The following TMEM192 variants were observed in gnomAD, a reference collection of about 807,000 sequenced individuals.
TMEM192 encodes the protein transmembrane protein 192.
A neutral mutation model predicts 26.7 loss-of-function variants in TMEM192; 20 were observed. The ratio of observed to expected loss-of-function variants is 0.75; its 90% CI spans 0.53 to 1.09. The LOEUF (loss-of-function observed/expected upper bound fraction) is 1.09. Among genes scored for constraint, TMEM192 ranks in the 50% least tolerant of loss-of-function variants. The pLI, the probability that TMEM192 is intolerant of heterozygous loss-of-function variation, is 0.00. For synonymous variants in TMEM192, 124 were observed against 121.0 expected (o/e 1.02, Z -0.16); for missense variants, 304 against 322.6 (o/e 0.94, Z 0.44).
chr4:165,100,454 G>A (rs1049448134), intron 3 of TMEM192, among the ~76,000 whole-genome samples, 174 bp downstream of exon 3: 7 of 152,096 alleles, frequency 4.6e-5, no homozygotes, highest in African/African-American at 1.2e-4. Flanking sequence ...CACCGCACCC[G>A]GCCAAGAAAA....
At chr4:165,104,149 A>G (rs1035666762) in intron 1 of TMEM192, among the ~76,000 whole-genome samples, 2 of 152,238 alleles carry the variant, frequency 1.3e-5, no homozygotes, top group Non-Finnish European at 2.9e-5. Flanking sequence ...TGCATTGTAT[A>G]TACTTTTAAT....
chr4:165,087,093 GACGAGAGTGAA>G (rs1166617602), intron 4 of TMEM192, among the ~76,000 whole-genome samples: 2 of 151,944 alleles, frequency 1.3e-5, no homozygotes, highest in Admixed American at 6.6e-5. Context: ...CAGCCTGGGT[GACGAGAGTGAA>G]ACTCCAACTC....
chr4:165,104,875 A>G (rs1347823421), intron 1 of TMEM192, among the ~76,000 whole-genome samples: 1 of 152,092 alleles, frequency 6.6e-6, no homozygotes, highest in African/African-American at 2.4e-5. Flanking sequence ...TTAGTTTACC[A>G]TAACTCATGG....
intron 3 of TMEM192, among the ~76,000 whole-genome samples, chr4:165,098,984 G>A (rs987909321): frequency 6.6e-6 from 1 of 152,038 alleles, no homozygotes; most frequent in Non-Finnish European, 1.5e-5. Flanking sequence ...TTACAGGCAT[G>A]AGCCACCGAG....
At chr4:165,087,771 C>T (rs1734656974) in intron 4 of TMEM192, among the ~76,000 whole-genome samples, 1 of 152,172 alleles carries the variant, frequency 6.6e-6, no homozygotes, top group African/African-American at 2.4e-5. Flanking sequence ...GAAACCCCAT[C>T]TCTATTAAAG....
At chr4:165,091,110 GA>G (rs1734752441) in intron 3 of TMEM192, among the ~76,000 whole-genome samples, 2 of 150,984 alleles carry the variant, frequency 1.3e-5, no homozygotes, top group Admixed American at 6.6e-5. Flanking sequence ...CTAAAAATAC[GA>G]AAAAAATTAG....
At chr4:165,102,847 C>T (rs1735068836) in intron 2 of TMEM192, 103 bp downstream of exon 2, 1 of 947,912 alleles carries the variant, frequency 1.1e-6, no homozygotes, top group Non-Finnish European at 1.4e-6. Flanking sequence ...ATGTGCCCTA[C>T]ATTTTAAATG....
At chr4:165,080,777 T>C (rs980860582) in intron 5 of TMEM192, among the ~76,000 whole-genome samples, 1 of 152,058 alleles carries the variant, frequency 6.6e-6, no homozygotes, top group African/African-American at 2.4e-5. Flanking sequence ...TGCAGTGGCA[T>C]GATCTCTGCT....
intron 3 of TMEM192, among the ~76,000 whole-genome samples, chr4:165,100,078 C>T (rs1317770922): frequency 6.6e-6 from 1 of 152,004 alleles, no homozygotes; most frequent in East Asian, 1.9e-4. Context: ...TTCCACACTT[C>T]ACACATGCTA....
At chr4:165,103,376 G>A (rs1472972634) in intron 1 of TMEM192, among the ~76,000 whole-genome samples, 11 of 151,742 alleles carry the variant, frequency 7.2e-5, no homozygotes, top group South Asian at 2.1e-4. Context: ...AGACAGTCTC[G>A]CTCTGTTGCC....
intron 1 of TMEM192, among the ~76,000 whole-genome samples, chr4:165,104,894 AGAT>A (rs1352005667): frequency 3.9e-5 from 6 of 152,270 alleles, no homozygotes; most frequent in Non-Finnish European, 5.9e-5. Context: ...GGTACAATTC[AGAT>A]TACTCCTGTT....
intron 3 of TMEM192, among the ~76,000 whole-genome samples, chr4:165,090,153 G>A (rs1350402081): frequency 6.7e-6 from 1 of 149,016 alleles, no homozygotes; most frequent in East Asian, 2.0e-4. Flanking sequence ...GGAGGTTGCG[G>A]TGAGCCAAGA....
At chr4:165,100,967 C>T (rs1181855872) in intron 2 of TMEM192, 75 bp from the exon 3 acceptor site, 3 of 753,748 alleles carry the variant, frequency 4.0e-6, no homozygotes, top group South Asian at 2.1e-5. Flanking sequence ...TCCCAGCATA[C>T]ATTCTTTTTT....
intron 3 of TMEM192, among the ~76,000 whole-genome samples, chr4:165,095,712 T>G (rs1481749256): frequency 6.6e-6 from 1 of 152,190 alleles, no homozygotes; most frequent in Non-Finnish European, 1.5e-5. Context: ...GACCAAGTTT[T>G]CATTTCAATG....
chr4:165,079,514 G>T lies in TMEM192; in HGVS notation c.*144C>A. 1.1e-6 allele frequency: 1 copy of T among 919,756 alleles called. No individual in the cohort carries two copies. The highest frequency in any genetic ancestry group is 2.1e-5 in the South Asian group (1 of 47,460). The allele number at this position is 919,756 out of a possible 1,614,324, so 57.0% of individuals were successfully genotyped here. A position where few individuals can be genotyped will look rare whatever the true frequency, so the allele number is the denominator to read the frequency against. On this transcript the variant is annotated 3_prime_UTR_variant, in exon 6 of 6. Transcript: ENST00000306480. ...CCCTATATTTTAAACAGCCACAGAA[G>T]TCAGAACCAAATTCAGGTTTCCAAC...
intron 5 of TMEM192, 37 bp downstream of exon 5, chr4:165,085,548 GA>G: frequency 1.4e-6 from 2 of 1,414,510 alleles, no homozygotes; most frequent in Middle Eastern, 1.8e-4. Flanking sequence ...CTTTCTAGGG[GA>G]AAAAACTCAA....
chr4:165,092,294 G>C (rs748640600), intron 3 of TMEM192, among the ~76,000 whole-genome samples: 2 of 151,720 alleles, frequency 1.3e-5, no homozygotes, highest in Non-Finnish European at 2.9e-5. Context: ...GCTAATTTTT[G>C]TATTTTCAGT....
chr4:165,079,773 A>G lies in TMEM192; in HGVS notation c.701T>C (p.Ile234Thr). Residue 234 changes from isoleucine (I) to threonine (T), a missense_variant, in exon 6 of 6, where the codon ATT becomes ACT. Coordinates refer to ENST00000306480, the MANE Select transcript of TMEM192 (RefSeq NM_001100389.2). ...AATGGTGTCTCCTTGCTTTTCAACA[A>G]TTTCTTCTAGGCTTGAAATAGTTCT... is the stretch of plus-strand genomic sequence containing the variant. ...GFRTISSLEE[I>T]VEKQGDTIEY... 6.2e-7 allele frequency: 1 copy of G among 1,613,774 alleles called. No homozygotes were observed. Among genetic ancestry groups the G allele is most frequent in the Non-Finnish European group, 8.5e-7 (1 of 1,179,892 alleles).
At position 165,075,814 on chromosome 4, in the gene TMEM192, C is replaced by G. The variant is rs1329342198; in HGVS notation, c.*3844G>C. The G allele has an allele frequency of 6.6e-6, 1 of 152,070 alleles. No homozygotes were observed. Among genetic ancestry groups the G allele is most frequent in the Non-Finnish European group, 1.5e-5 (1 of 68,050 alleles). 9.4% of individuals were successfully genotyped at this position (152,070 alleles called of 1,614,324 possible). The stretch of plus-strand genomic sequence containing the variant: ...CTAACTCCTGACCTTGTGATCCACC[C>G]ACCTTGGCCTCCCAAAGTGCTGGTA... On this transcript the variant is annotated 3_prime_UTR_variant, in exon 6 of 6. Transcript: ENST00000306480.
Sources: allele counts gnomAD v4.1 joint callset (sites outside exome capture counted in the v4.1 genomes callset), GRCh38; gene constraint gnomAD v4.1.1; transcripts MANE v1.5; gene names NCBI Gene and HGNC (gene_info 2026-07-23, HGNC 2026-07-21).